NSD2: variants seen among roughly 807,000 people sequenced by gnomAD.
NSD2 encodes nuclear receptor binding SET domain protein 2.
A neutral mutation model predicts 139.0 loss-of-function variants in NSD2; 12 were observed. The observed-to-expected ratio is 0.09, with a 90% CI of 0.06 to 0.14. The LOEUF (loss-of-function observed/expected upper bound fraction) is 0.14. NSD2 is among the 10% of genes least tolerant of loss of function. NSD2 has a pLI of 1.00. For synonymous variants in NSD2, 669 were observed against 648.7 expected (o/e 1.03, Z -0.48); for missense variants, 1,155 against 1,745.0 (o/e 0.66, Z 6.02).
At chr4:1,890,099 A>G (rs1467297913) in intron 1 of NSD2, among the ~76,000 whole-genome samples, 1 of 152,152 alleles carries the variant, frequency 6.6e-6, no homozygotes, top group Admixed American at 6.6e-5. Flanking sequence ...CTTTGTATCT[A>G]GCTTCTTTCA....
At chr4:1,897,540 C>G (rs1716526958) in intron 1 of NSD2, among the ~76,000 whole-genome samples, 1 of 152,106 alleles carries the variant, frequency 6.6e-6, no homozygotes, top group African/African-American at 2.4e-5. Flanking sequence ...GCTTGTAATG[C>G]CAGCACTTTG....
At position 1,904,351 on chromosome 4, in the gene NSD2, C is replaced by T. The variant is rs776067673; in HGVS notation, c.733C>T (p.Leu245Phe). 1.2e-6 allele frequency: 2 copies of T among 1,613,848 alleles called. No individual in the cohort carries two copies. Among genetic ancestry groups the T allele is most frequent in the Non-Finnish European group, 8.5e-7 (1 of 1,179,806 alleles). ...GCCTTGCATGGTTTCTGCAGATCCA[C>T]TCCTTCACAGCTATACCAAACTTAA... ...WWPCMVSADPLLHSYTKLKGQ... is the reference protein window; with the variant it reads ...WWPCMVSADPFLHSYTKLKGQ... Residue 245 changes from leucine (L) to phenylalanine (F), a missense_variant, in exon 3 of 22, where the codon CTC becomes TTC. By Grantham distance (22) the Leu-to-Phe change is conservative. This residue lies in a region of NSD2 where 34 missense variants were observed against 75.2 expected (regional missense o/e 0.45). Coordinates refer to ENST00000508803, the MANE Select transcript of NSD2 (RefSeq NM_001042424.3).
intron 1 of NSD2, among the ~76,000 whole-genome samples, chr4:1,881,294 T>A (rs1714675941): frequency 6.6e-6 from 1 of 152,148 alleles, no homozygotes; most frequent in Non-Finnish European, 1.5e-5. Context: ...GGAGTCTTGC[T>A]TTCCATCACA....
intron 1 of NSD2, among the ~76,000 whole-genome samples, chr4:1,893,552 T>TG (rs1393425706): frequency 1.6e-4 from 22 of 137,002 alleles, no homozygotes; most frequent in African/African-American, 5.4e-4. Context: ...TGTTTTTTTT[T>TG]TTTTTTTGTT....
chr4:1,909,622 A>G (rs1284536114), intron 3 of NSD2, among the ~76,000 whole-genome samples: 3 of 150,218 alleles, frequency 2.0e-5, no homozygotes, highest in South Asian at 2.1e-4. Context: ...ATATTTTTCT[A>G]TCCTCTATTC....
In NSD2 at chr4:1,959,546, A is replaced by G. The variant is rs1272076193; in HGVS notation, c.3061A>G (p.Thr1021Ala). The G allele has an allele frequency of 6.2e-7, 1 of 1,614,100 alleles. No individual in the cohort carries two copies. The highest frequency in any genetic ancestry group is 1.3e-5 in the African/African-American group (1 of 74,934). The change falls in exon 17 of 22, where the codon ACA becomes GCA. Residue 1021 changes from threonine (T) to alanine (A), a missense_variant. Transcript: ENST00000508803. ...SEIPKCNCKP[T>A]DENPCGFDSE... ...AATCCCTAAGTGCAACTGCAAGCCC[A>G]CAGATGAGAATCCTTGTGGCTTTGA... is the stretch of plus-strand genomic sequence containing the variant.
At chr4:1,919,783 A>C (rs954716747) in intron 5 of NSD2, among the ~76,000 whole-genome samples, 11 of 152,102 alleles carry the variant, frequency 7.2e-5, no homozygotes, top group African/African-American at 2.2e-4. Flanking sequence ...AATACAAAAA[A>C]AAATTAGCTG....
chr4:1,884,097 C>CT (rs1217914939), intron 1 of NSD2, among the ~76,000 whole-genome samples: 4 of 152,010 alleles, frequency 2.6e-5, no homozygotes, highest in Admixed American at 6.6e-5. Flanking sequence ...ATTTTTCTCC[C>CT]TTTTTTTGTC....
chr4:1,945,977 C>G, intron 9 of NSD2: 4 of 1,049,556 alleles, frequency 3.8e-6, no homozygotes, highest in African/African-American at 1.7e-5. Flanking sequence ...GCCAGGTAGA[C>G]TTTTGTATAC....
At chr4:1,872,633 A>AGAGAGAGAGG (rs1203166315) in intron 1 of NSD2, among the ~76,000 whole-genome samples, 1 of 131,036 alleles carries the variant, frequency 7.6e-6, no homozygotes, top group African/African-American at 2.8e-5. Flanking sequence ...AGAGAGAGAG[A>AGAGAGAGAGG]GAGCGCGCAG....
At position 1,948,832 on chromosome 4, in the gene NSD2, T is replaced by G; in HGVS notation, c.1882-2240T>G. 9.8e-7 allele frequency: 1 copy of G among 1,017,366 alleles called. No homozygotes were observed. The highest frequency in any genetic ancestry group is 1.2e-6 in the Non-Finnish European group (1 of 846,022). 63.0% of individuals were successfully genotyped at this position (1,017,366 alleles called of 1,614,324 possible). A position where few individuals can be genotyped will look rare whatever the true frequency, so the allele number is the denominator to read the frequency against. On this transcript the variant is annotated intron_variant, in intron 9 of 21. Coordinates refer to ENST00000508803, the MANE Select transcript of NSD2 (RefSeq NM_001042424.3). This position sits in a 1 kb window ranked among gnomAD's most constrained non-coding sequence, Gnocchi z 4.5. ...TTCCTTCCTCTGACCCAGGACTGCT[T>G]TGTGTTTTCTGTCTTTCTCTCCATG...
At chr4:1,901,935 T>G (rs1717235857) in intron 2 of NSD2, among the ~76,000 whole-genome samples, 1 of 152,192 alleles carries the variant, frequency 6.6e-6, no homozygotes, top group African/African-American at 2.4e-5. Flanking sequence ...CCATTCTGCC[T>G]GGTGATGGTG....
Position 1,951,175 on chromosome 4 carries a change from T to C in NSD2, c.1985T>C (p.Val662Ala), listed in dbSNP as rs1400681386. 1 of 1,613,706 alleles carries C rather than the reference T, an allele frequency of 6.2e-7. No individual in the cohort carries two copies. The highest frequency in any genetic ancestry group is 8.5e-7 in the Non-Finnish European group (1 of 1,179,952). ...TCATCCAAAAAGTCTGAGCGAGGAG[T>C]GACTGCCAAAAAGGAGTATGTGTGC... The part of the protein sequence containing the change: ...SVSSKKSERG[V>A]TAKKEYVCQL... The change falls in exon 10 of 22, where the codon GTG becomes GCG. Residue 662 changes from valine to alanine, a missense_variant. By Grantham distance (64) the Val-to-Ala change is moderately conservative (BLOSUM62 0). Transcript: ENST00000508803.
chr4:1,891,724 G>T (rs1055085988), intron 1 of NSD2, among the ~76,000 whole-genome samples: 6 of 151,826 alleles, frequency 4.0e-5, no homozygotes, highest in African/African-American at 1.5e-4. Flanking sequence ...GGGCGTGGTG[G>T]TCGGCACCTG....
rs143523467 is a variant in NSD2 at position 1,895,287 on chromosome 4, A to T, written c.-29-5339A>T. ...GCTTTTAATTCTTTTGGGTAGACAG[A>T]CTGTTTTTCACCCTGTTTTGTTCAA... On this transcript the variant is annotated intron_variant, in intron 1 of 21. Coordinates refer to ENST00000508803, the MANE Select transcript of NSD2 (RefSeq NM_001042424.3). Among the ~76,000 whole-genome samples the T allele has an allele frequency of 9.9e-5, 15 of 152,280 alleles. No individual in the cohort carries two copies. The East Asian group carries it at 2.9e-3, about 29-fold the overall frequency.
At chr4:1,917,332 TTAATG>T (rs1719529531) in intron 4 of NSD2, among the ~76,000 whole-genome samples, 1 of 152,162 alleles carries the variant, frequency 6.6e-6, no homozygotes, top group Admixed American at 6.6e-5. Context: ...GACAGAGGGA[TTAATG>T]TAATGTGATA....
intron 18 of NSD2, among the ~76,000 whole-genome samples, chr4:1,971,085 G>A (rs1726420991): frequency 6.6e-6 from 1 of 152,252 alleles, no homozygotes; most frequent in Admixed American, 6.5e-5. Flanking sequence ...CAGGCCGGGT[G>A]CAGTGGCTCA....
intron 7 of NSD2, among the ~76,000 whole-genome samples, chr4:1,936,667 CAAA>C (rs879590049): frequency 1.1e-3 from 59 of 52,490 alleles, no homozygotes; most frequent in African/African-American, 3.1e-3. Flanking sequence ...GACTCCATCT[CAAA>C]AAAAAAAAAA....
chr4:1,909,088 A>T (rs930038887), intron 3 of NSD2, among the ~76,000 whole-genome samples: 5 of 152,050 alleles, frequency 3.3e-5, no homozygotes, highest in African/African-American at 1.2e-4. Flanking sequence ...AGAGTTATAT[A>T]TTTTAGTTCT....
Sources: allele counts gnomAD v4.1 joint callset (sites outside exome capture counted in the v4.1 genomes callset), GRCh38; gene constraint gnomAD v4.1.1; regional missense constraint gnomAD v4.1.1; non-coding constraint Gnocchi (gnomAD v3.1); transcripts MANE v1.5; gene names NCBI Gene and HGNC (gene_info 2026-07-23, HGNC 2026-07-21).